PHKB: variants seen among roughly 807,000 people sequenced by gnomAD.
PHKB encodes the protein phosphorylase kinase regulatory subunit beta, also known as phosphorylase b kinase regulatory subunit beta.
Under a neutral mutation model 152.1 loss-of-function variants are expected in PHKB, and 122 were observed. That is an observed-to-expected ratio of 0.80 (90% confidence interval 0.69 to 0.93). PHKB has a LOEUF of 0.93. Ranked by LOEUF, PHKB falls within the 40% of genes least tolerant of loss-of-function variation. PHKB has a pLI of 0.00. For synonymous variants in PHKB, 436 were observed against 464.9 expected (o/e 0.94, Z 0.80); for missense variants, 1,304 against 1,328.4 (o/e 0.98, Z 0.29).
chr16:47,543,757 A>G (rs7196244), intron 6 of PHKB, among the ~76,000 whole-genome samples: 17,734 of 152,030 alleles, frequency 0.12, 2,265 homozygotes, highest in African/African-American at 0.32. Context: ...GAATTTATCA[A>G]TTTCTTCTAG....
At chr16:47,629,072 A>G (rs576211428) in intron 14 of PHKB, among the ~76,000 whole-genome samples, 1 of 152,366 alleles carries the variant, frequency 6.6e-6, no homozygotes, top group East Asian at 1.9e-4. Flanking sequence ...TAAAAACCCT[A>G]GAAGAAAACC....
intron 7 of PHKB, among the ~76,000 whole-genome samples, chr16:47,573,239 G>C (rs1049632518): frequency 6.6e-6 from 1 of 152,130 alleles, no homozygotes; most frequent in Admixed American, 6.5e-5. Flanking sequence ...ATGTTACCCT[G>C]GGGAAACACT....
chr16:47,583,784 C>A (rs1971889458), intron 8 of PHKB, among the ~76,000 whole-genome samples: 1 of 152,128 alleles, frequency 6.6e-6, no homozygotes, highest in Admixed American at 6.5e-5. Flanking sequence ...CTGTTGGACA[C>A]TTTCTACTTT....
At chr16:47,695,719 C>T (rs1010910268) in intron 28 of PHKB, among the ~76,000 whole-genome samples, 2 of 152,188 alleles carry the variant, frequency 1.3e-5, no homozygotes, top group Non-Finnish European at 2.9e-5. Context: ...TGTTCAGAGC[C>T]TTCCCTTCCA....
Position 47,698,601 on chromosome 16 carries a change from CTTTTTTTTT to C in PHKB, c.3144+26_3144+34del. ...AATTGAAAAACAAGTAAGTACACAGCTTTTTTTTTTTTTTTTTTTTTGAGAATTTTTTCA... is the reference window on the plus strand; with the variant it reads ...AATTGAAAAACAAGTAAGTACACAGCTTTTTTTTTTTTGAGAATTTTTTCA... On this transcript the variant is annotated intron_variant, in intron 30 of 30. Coordinates refer to ENST00000323584, the MANE Select transcript of PHKB (RefSeq NM_000293.3). 2.7e-6 allele frequency: 2 copies of C among 730,284 alleles called. No homozygotes were observed. Among genetic ancestry groups the C allele is most frequent in the Non-Finnish European group, 3.6e-6 (2 of 550,886 alleles). The allele number at this position is 730,284 out of a possible 1,614,324, so 45.2% of individuals were successfully genotyped here. A position where few individuals can be genotyped will look rare whatever the true frequency, so the allele number is the denominator to read the frequency against.
intron 7 of PHKB, among the ~76,000 whole-genome samples, chr16:47,578,287 A>G (rs1373913790): frequency 6.6e-6 from 1 of 152,210 alleles, no homozygotes; most frequent in Non-Finnish European, 1.5e-5. Context: ...AGATAATTCT[A>G]ACAACTCTTT....
intron 7 of PHKB, chr16:47,565,879 C>T: frequency 1.7e-6 from 2 of 1,197,944 alleles, no homozygotes; most frequent in Non-Finnish European, 2.4e-6. Flanking sequence ...GAATTATCTT[C>T]CTTAGGAGTA....
At chr16:47,522,340 T>C (rs539249841) in intron 6 of PHKB, among the ~76,000 whole-genome samples, 1 of 152,268 alleles carries the variant, frequency 6.6e-6, no homozygotes, top group East Asian at 1.9e-4. Context: ...TATTAGTTCA[T>C]AGTATCCTAT....
At chr16:47,536,424 T>C (rs758160139) in intron 6 of PHKB, among the ~76,000 whole-genome samples, 5 of 152,226 alleles carry the variant, frequency 3.3e-5, no homozygotes, top group Non-Finnish European at 5.9e-5. Flanking sequence ...ATCATAGTAT[T>C]ATTTGTGTGA....
intron 4 of PHKB, among the ~76,000 whole-genome samples, chr16:47,509,938 A>G (rs990272440): frequency 6.6e-6 from 1 of 152,220 alleles, no homozygotes; most frequent in African/African-American, 2.4e-5. Context: ...TGTAAGTAGT[A>G]GATCCCCAGG....
At position 47,547,451 on chromosome 16, in the gene PHKB, C is replaced by A; in HGVS notation, c.613C>A (p.Leu205Ile). 6.2e-7 allele frequency: 1 copy of A among 1,607,548 alleles called. No individual in the cohort carries two copies. Among genetic ancestry groups the A allele is most frequent in the South Asian group, 1.1e-5 (1 of 90,938 alleles). Residue 205 changes from leucine to isoleucine, a missense_variant, in exon 7 of 31, where the codon CTT becomes ATT. Leu to Ile is a conservative substitution (Grantham distance 5). Transcript: ENST00000323584. ...NTDEVSFIQN[L>I]VFCVERVYRV... Reference sequence around the variant, plus strand: ...CTTTTAGGTCTCTTTTATTCAAAACCTTGTATTTTGTGTGGAAAGAGTTTA... The same window carrying A: ...CTTTTAGGTCTCTTTTATTCAAAACATTGTATTTTGTGTGGAAAGAGTTTA...
At chr16:47,665,935 C>T (rs1973529815) in intron 25 of PHKB, 6 of 1,607,008 alleles carry the variant, frequency 3.7e-6, no homozygotes, top group Non-Finnish European at 5.1e-6. Flanking sequence ...CTCTTCTTTG[C>T]CCCCAGGTCG....
At chr16:47,514,856 A>G (rs925951090) in intron 5 of PHKB, among the ~76,000 whole-genome samples, 3 of 152,186 alleles carry the variant, frequency 2.0e-5, no homozygotes, top group Non-Finnish European at 4.4e-5. Context: ...AGATCATAAA[A>G]TATCTATTTT....
chr16:47,665,035 C>T (rs1294319527), intron 25 of PHKB, 60 bp downstream of exon 25: 8 of 1,059,476 alleles, frequency 7.6e-6, no homozygotes, highest in Non-Finnish European at 1.2e-5. Context: ...TATTTGCACT[C>T]TGAAGGTTAA....
chr16:47,598,702 G>A (rs558268994), intron 13 of PHKB: 80 of 1,563,824 alleles, frequency 5.1e-5, no homozygotes, highest in Middle Eastern at 2.3e-4. Context: ...CACTAATGGC[G>A]CCCATGGTTT....
chr16:47,606,424 C>T (rs953782143), intron 13 of PHKB, among the ~76,000 whole-genome samples: 3 of 152,206 alleles, frequency 2.0e-5, no homozygotes, highest in African/African-American at 7.2e-5. Flanking sequence ...TTATACAAAA[C>T]TCAGCATAGT....
intron 7 of PHKB, chr16:47,565,136 G>T: frequency 1.9e-6 from 1 of 535,008 alleles, no homozygotes. Context: ...GGAGACAGCA[G>T]CATACTTGCT....
intron 16 of PHKB, among the ~76,000 whole-genome samples, chr16:47,644,038 A>G (rs1290421699): frequency 6.6e-6 from 1 of 152,142 alleles, no homozygotes; most frequent in Non-Finnish European, 1.5e-5. Context: ...GGAGCACTAA[A>G]TAAATTGTCA....
At chr16:47,617,728 T>A (rs772418089) in intron 14 of PHKB, among the ~76,000 whole-genome samples, 8 of 152,204 alleles carry the variant, frequency 5.3e-5, no homozygotes, top group Non-Finnish European at 1.0e-4. Context: ...TAAGTAGTAG[T>A]CTGCTACTCC....
Sources: gnomAD v4.1 joint callset for allele counts (sites outside exome capture counted in the v4.1 genomes callset) on GRCh38, gnomAD v4.1.1 for gene constraint, MANE v1.5 for transcripts, NCBI Gene and HGNC (gene_info 2026-07-23, HGNC 2026-07-21) for gene names.